The following ACTL10 variants were observed in gnomAD, a reference collection of about 807,000 sequenced individuals.
ACTL10 encodes the protein actin like 10.
For synonymous variants in ACTL10, 180 were observed against 169.9 expected (o/e 1.06, Z -0.46); for missense variants, 413 against 359.4 (o/e 1.15, Z -1.21).
chr20:33,667,335 G>T lies in ACTL10; in HGVS notation c.-163G>T. 1 of 923,172 alleles carries T rather than the reference G, an allele frequency of 1.1e-6. No individual in the cohort carries two copies. The highest frequency in any genetic ancestry group is 1.5e-6 in the Non-Finnish European group (1 of 687,912). 57.2% of individuals were successfully genotyped at this position (923,172 alleles called of 1,614,324 possible). ...TCAAGCACGGCGTGGTGGCGGACTGGGAGGCGCTGGAAGGGCTGTGGGAGC... is the reference window on the plus strand; with the variant it reads ...TCAAGCACGGCGTGGTGGCGGACTGTGAGGCGCTGGAAGGGCTGTGGGAGC... On this transcript the variant is annotated 5_prime_UTR_variant, in exon 1 of 1. Coordinates refer to ENST00000677665, the MANE Select transcript of ACTL10 (RefSeq NM_001024675.2).
rs759492061 is a variant in ACTL10 at position 33,668,257 on chromosome 20, T to A, written c.*22T>A. The A allele has an allele frequency of 3.9e-6, 6 of 1,552,168 alleles. No individual in the cohort carries two copies. Among genetic ancestry groups the A allele is most frequent in the Non-Finnish European group, 8.7e-7 (1 of 1,147,564 alleles). On this transcript the variant is annotated 3_prime_UTR_variant, in exon 1 of 1. Coordinates refer to ENST00000677665, the MANE Select transcript of ACTL10 (RefSeq NM_001024675.2). ...CTGAGTCAGGCTGGACTGGGGGGGG[T>A]GGCACTGCGTTGGGGGACAGCTCTC... is the stretch of plus-strand genomic sequence containing the variant.
Position 33,668,047 on chromosome 20 carries a change from G to C in ACTL10, c.550G>C (p.Glu184Gln). 2 of 1,557,076 alleles carry C rather than the reference G, an allele frequency of 1.3e-6. No individual in the cohort carries two copies. The highest frequency in any genetic ancestry group is 1.7e-6 in the Non-Finnish European group (2 of 1,150,866). Residue 184 changes from glutamate (E) to glutamine (Q), a missense_variant, in exon 1 of 1, where the codon GAG becomes CAG. Glu to Gln is a conservative substitution (Grantham distance 29). Coordinates refer to ENST00000677665, the MANE Select transcript of ACTL10 (RefSeq NM_001024675.2). ...GFAERLDKEL[E>Q]AQCRRHGYAA... ...CGCCGAGCGCCTGGACAAGGAGCTG[G>C]AGGCGCAGTGCCGGCGGCACGGCTA...
Position 33,667,369 on chromosome 20 carries a change from G to A in ACTL10, c.-129G>A, listed in dbSNP as rs1400773927. ...GGAAGGGCTGTGGGAGCGCCTGCTG[G>A]TGGGCGGCCTGCGGGTGTGCCCAGA... On this transcript the variant is annotated 5_prime_UTR_variant, in exon 1 of 1. It adds an upstream start codon to the 5' untranslated region. Transcript: ENST00000677665. 8 of 1,222,114 alleles carry A rather than the reference G, an allele frequency of 6.5e-6. No homozygotes were observed. Among genetic ancestry groups the A allele is most frequent in the African/African-American group, 1.6e-5 (1 of 62,738 alleles). The allele number at this position is 1,222,114 out of a possible 1,614,324, so 75.7% of individuals were successfully genotyped here. A position where few individuals can be genotyped will look rare whatever the true frequency, so the allele number is the denominator to read the frequency against.
In ACTL10 at chr20:33,667,332, C is replaced by A; in HGVS notation, c.-166C>A. 1 of 895,960 alleles carries A rather than the reference C, an allele frequency of 1.1e-6. No homozygotes were observed. Among genetic ancestry groups the A allele is most frequent in the Non-Finnish European group, 1.5e-6 (1 of 663,804 alleles). 55.5% of individuals were successfully genotyped at this position (895,960 alleles called of 1,614,324 possible). A position where few individuals can be genotyped will look rare whatever the true frequency, so the allele number is the denominator to read the frequency against. On this transcript the variant is annotated 5_prime_UTR_variant, in exon 1 of 1. It adds an upstream start codon to the 5' untranslated region. Transcript: ENST00000677665. Reference sequence around the variant, plus strand: ...CCATCAAGCACGGCGTGGTGGCGGACTGGGAGGCGCTGGAAGGGCTGTGGG... The same window carrying A: ...CCATCAAGCACGGCGTGGTGGCGGAATGGGAGGCGCTGGAAGGGCTGTGGG...
In ACTL10 at chr20:33,667,545, C is replaced by A; in HGVS notation, c.48C>A (p.Ser16Arg). ...LLALCSTGAF[S>R]GLAVEAGAGV... The stretch of plus-strand genomic sequence containing the variant: ...CGCTCTGCTCCACCGGCGCGTTCAG[C>A]GGGCTGGCCGTGGAGGCGGGCGCGG... The change falls in exon 1 of 1, where the codon AGC becomes AGA. Residue 16 changes from serine (S) to arginine (R), a missense_variant. By Grantham distance (110) the Ser-to-Arg change is moderately radical (BLOSUM62 -1). Coordinates refer to ENST00000677665, the MANE Select transcript of ACTL10 (RefSeq NM_001024675.2). 1 of 1,546,082 alleles carries A rather than the reference C, an allele frequency of 6.5e-7. No homozygotes were observed. The highest frequency in any genetic ancestry group is 8.7e-7 in the Non-Finnish European group (1 of 1,146,788).
At position 33,667,807 on chromosome 20, in the gene ACTL10, G is replaced by C; in HGVS notation, c.310G>C (p.Ala104Pro). 6.2e-7 allele frequency: 1 copy of C among 1,612,512 alleles called. No individual in the cohort carries two copies. Among genetic ancestry groups the C allele is most frequent in the Non-Finnish European group, 8.5e-7 (1 of 1,179,818 alleles). ...DLRDPARHHPASFSVGNGCCV... is the reference protein window; with the variant it reads ...DLRDPARHHPPSFSVGNGCCV... ...CCGCGACCCCGCCCGCCACCATCCG[G>C]CCAGTTTCAGCGTGGGTAACGGGTG... The change falls in exon 1 of 1, where the codon GCC (alanine) becomes CCC (proline). Residue 104 changes from alanine to proline, a missense_variant. Transcript: ENST00000677665.
rs781544438 is a variant in ACTL10, at chr20:33,668,122, G to GT, written c.626dup (p.Trp210ValfsTer?). ...GGCCAAGCATGGGCGTGGCATGGCTGTGTGGACCGGCGGCTCCATGGTGGC... is the reference window on the plus strand; with the variant it reads ...GGCCAAGCATGGGCGTGGCATGGCTGTTGTGGACCGGCGGCTCCATGGTGGC... On this transcript the variant is annotated frameshift_variant, in exon 1 of 1. Coordinates refer to ENST00000677665, the MANE Select transcript of ACTL10 (RefSeq NM_001024675.2). LOFTEE classifies it low-confidence loss of function (END_TRUNC). 1.2e-6 allele frequency: 2 copies of GT among 1,611,280 alleles called. No individual in the cohort carries two copies. Among genetic ancestry groups the GT allele is most frequent in the East Asian group, 2.2e-5 (1 of 44,810 alleles).
chr20:33,668,057 GC>G lies in ACTL10; in HGVS notation c.562del (p.Arg188GlyfsTer40), dbSNP rs778369641. ...ERLDKELEAQ[C>X]RRHGYAALRP... The stretch of plus-strand genomic sequence containing the variant: ...CTGGACAAGGAGCTGGAGGCGCAGT[GC>G]CGGCGGCACGGCTACGCGGCCCTGC... On this transcript the variant is annotated frameshift_variant, in exon 1 of 1. Transcript: ENST00000677665. LOFTEE classifies it low-confidence loss of function (END_TRUNC). The G allele has an allele frequency of 7.0e-6, 11 of 1,565,114 alleles. No homozygotes were observed. The African/African-American group carries it at 1.4e-4, about 19-fold the overall frequency.
chr20:33,667,865 GC>G lies in ACTL10; in HGVS notation c.372del (p.Glu125AsnfsTer41). ...CVCLSSERFR[C>X]PEPIFQPGLL... Reference sequence around the variant, plus strand: ...TGCCTCAGCAGTGAGCGCTTCCGCTGCCCCGAACCCATCTTCCAGCCGGGCC... The same window carrying G: ...TGCCTCAGCAGTGAGCGCTTCCGCTGCCCGAACCCATCTTCCAGCCGGGCC... On this transcript the variant is annotated frameshift_variant, in exon 1 of 1. Coordinates refer to ENST00000677665, the MANE Select transcript of ACTL10 (RefSeq NM_001024675.2). LOFTEE classifies it low-confidence loss of function (END_TRUNC). The G allele has an allele frequency of 1.2e-6, 2 of 1,603,366 alleles. No homozygotes were observed. The highest frequency in any genetic ancestry group is 1.7e-6 in the Non-Finnish European group (2 of 1,175,394).
rs2017703441 is a variant in ACTL10, at chr20:33,667,569, G to A, written c.72G>A (p.Ala24=). Residue 24 remains alanine (A), a synonymous_variant, in exon 1 of 1, where the codon GCG becomes GCA. Coordinates refer to ENST00000677665, the MANE Select transcript of ACTL10 (RefSeq NM_001024675.2). ...GCGGGCTGGCCGTGGAGGCGGGCGC[G>A]GGCGTGTGCCACGCCACGCCCATCT... The part of the protein sequence containing the change: ...AFSGLAVEAG[A]GVCHATPIYA... The A allele has an allele frequency of 1.9e-6, 3 of 1,556,456 alleles. No homozygotes were observed. The highest frequency in any genetic ancestry group is 1.7e-6 in the Non-Finnish European group (2 of 1,152,958).
Position 33,667,156 on chromosome 20 carries a change from C to G in ACTL10, c.-342C>G, listed in dbSNP as rs573584848. The stretch of plus-strand genomic sequence containing the variant: ...GGGCCGCATCGCGGTGGTGGTGGAC[C>G]AGGGCTCGGGCTTCACCAAGGCGGG... On this transcript the variant is annotated 5_prime_UTR_variant, in exon 1 of 1. Transcript: ENST00000677665. The G allele has an allele frequency of 4.0e-4, 90 of 225,532 alleles. No individual in the cohort carries two copies. Among genetic ancestry groups the G allele is most frequent in the African/African-American group, 1.8e-3 (80 of 44,176 alleles). 14.0% of individuals were successfully genotyped at this position (225,532 alleles called of 1,614,324 possible).
rs572600554 is a variant in ACTL10, at chr20:33,667,718, G to A, written c.221G>A (p.Arg74His). ...NPDLLQQALP[R>H]KAITHLKKRS... The stretch of plus-strand genomic sequence containing the variant: ...GACCTCTTGCAGCAGGCCCTGCCCC[G>A]CAAGGCCATCACACATCTCAAGAAG... Residue 74 changes from arginine to histidine, a missense_variant, in exon 1 of 1, where the codon CGC becomes CAC. Physicochemically the swap from Arg to His is conservative, Grantham distance 29. Coordinates refer to ENST00000677665, the MANE Select transcript of ACTL10 (RefSeq NM_001024675.2). 14 of 1,612,062 alleles carry A rather than the reference G, an allele frequency of 8.7e-6. No individual in the cohort carries two copies. In the South Asian group the frequency reaches 1.3e-4, roughly 15 times the overall value.
Position 33,668,052 on chromosome 20 carries a change from G to A in ACTL10, c.555G>A (p.Ala185=), listed in dbSNP as rs1377540303. 12 of 1,559,522 alleles carry A rather than the reference G, an allele frequency of 7.7e-6. No homozygotes were observed. Among genetic ancestry groups the A allele is most frequent in the Non-Finnish European group, 8.7e-6 (10 of 1,152,378 alleles). The change falls in exon 1 of 1, where the codon GCG becomes GCA. Residue 185 remains alanine (A), a synonymous_variant. Coordinates refer to ENST00000677665, the MANE Select transcript of ACTL10 (RefSeq NM_001024675.2). ...AGCGCCTGGACAAGGAGCTGGAGGC[G>A]CAGTGCCGGCGGCACGGCTACGCGG... ...FAERLDKELE[A]QCRRHGYAAL... is the part of the protein sequence containing the mutation.
In ACTL10 at chr20:33,668,231, A is replaced by G. The variant is rs1485204405; in HGVS notation, c.734A>G (p.Asn245Ser). Residue 245 changes from asparagine to serine, a missense_variant, in exon 1 of 1, where the codon AAC becomes AGC. Transcript: ENST00000677665. The part of the protein sequence containing the change: ...CGSRLLYDVF[N>S] ...TCCAGGCTGCTGTACGATGTGTTCA[A>G]CTGAGTCAGGCTGGACTGGGGGGGG... 1.1e-5 allele frequency: 17 copies of G among 1,581,828 alleles called. No individual in the cohort carries two copies. The highest frequency in any genetic ancestry group is 1.4e-5 in the Non-Finnish European group (16 of 1,161,664).
In ACTL10 at chr20:33,668,272, GGACA is replaced by G. The variant is rs774222765; in HGVS notation, c.*39_*42del. 8 of 1,545,114 alleles carry G rather than the reference GGACA, an allele frequency of 5.2e-6. No homozygotes were observed. In the South Asian group the frequency reaches 9.8e-5, roughly 19 times the overall value. Reference sequence around the variant, plus strand: ...CTGGGGGGGGTGGCACTGCGTTGGGGGACAGCTCTCTATCTAAAGAGTCAAGTGT... The same window carrying G: ...CTGGGGGGGGTGGCACTGCGTTGGGGGCTCTCTATCTAAAGAGTCAAGTGT... On this transcript the variant is annotated 3_prime_UTR_variant, in exon 1 of 1. Coordinates refer to ENST00000677665, the MANE Select transcript of ACTL10 (RefSeq NM_001024675.2).
chr20:33,667,466 T>C lies in ACTL10; in HGVS notation c.-32T>C. The C allele has an allele frequency of 7.0e-7, 1 of 1,436,722 alleles. No homozygotes were observed. 89.0% of individuals were successfully genotyped at this position (1,436,722 alleles called of 1,614,324 possible). Reference sequence around the variant, plus strand: ...GGCCGCGAAAGGGTGGCGGAGCTGCTGTTCGAGACCCTGGCAGTGCCCGCG... The same window carrying C: ...GGCCGCGAAAGGGTGGCGGAGCTGCCGTTCGAGACCCTGGCAGTGCCCGCG... On this transcript the variant is annotated 5_prime_UTR_variant, in exon 1 of 1. Transcript: ENST00000677665.
In ACTL10 at chr20:33,667,898, G is replaced by T. The variant is rs1289056164; in HGVS notation, c.401G>T (p.Gly134Val). The stretch of plus-strand genomic sequence containing the variant: ...CCCATCTTCCAGCCGGGCCTGCTGG[G>T]CCAGGCTGAGCAGGGGCTGCCCGCG... ...PEPIFQPGLL[G>V]QAEQGLPALA... The change falls in exon 1 of 1, where the codon GGC (glycine) becomes GTC (valine). Residue 134 changes from glycine to valine, a missense_variant. Coordinates refer to ENST00000677665, the MANE Select transcript of ACTL10 (RefSeq NM_001024675.2). The T allele has an allele frequency of 1.9e-6, 3 of 1,581,640 alleles. No homozygotes were observed. Among genetic ancestry groups the T allele is most frequent in the South Asian group, 1.1e-5 (1 of 87,840 alleles).
rs201513422 is a variant in ACTL10, at chr20:33,667,478, T to C, written c.-20T>C. The C allele has an allele frequency of 4.4e-5, 65 of 1,468,036 alleles. No homozygotes were observed. In the East Asian group the frequency reaches 1.6e-3, roughly 36 times the overall value. The allele number at this position is 1,468,036 out of a possible 1,614,324, so 90.9% of individuals were successfully genotyped here. A position where few individuals can be genotyped will look rare whatever the true frequency, so the allele number is the denominator to read the frequency against. ...GTGGCGGAGCTGCTGTTCGAGACCCTGGCAGTGCCCGCGTGCCACATGGCT... is the reference window on the plus strand; with the variant it reads ...GTGGCGGAGCTGCTGTTCGAGACCCCGGCAGTGCCCGCGTGCCACATGGCT... On this transcript the variant is annotated 5_prime_UTR_variant, in exon 1 of 1. Coordinates refer to ENST00000677665, the MANE Select transcript of ACTL10 (RefSeq NM_001024675.2).
At position 33,667,927 on chromosome 20, in the gene ACTL10, G is replaced by T; in HGVS notation, c.430G>T (p.Ala144Ser). 1 of 1,560,266 alleles carries T rather than the reference G, an allele frequency of 6.4e-7. No homozygotes were observed. Residue 144 changes from alanine (A) to serine (S), a missense_variant, in exon 1 of 1, where the codon GCC becomes TCC. Ala to Ser is a moderately conservative substitution (Grantham distance 99). Coordinates refer to ENST00000677665, the MANE Select transcript of ACTL10 (RefSeq NM_001024675.2). Reference sequence around the variant, plus strand: ...GGCTGAGCAGGGGCTGCCCGCGCTGGCCTTCCGGGCGCTGCAGAAGATGCC... The same window carrying T: ...GGCTGAGCAGGGGCTGCCCGCGCTGTCCTTCCGGGCGCTGCAGAAGATGCC... ...GQAEQGLPAL[A>S]FRALQKMPKT...
Sources: gnomAD v4.1 joint callset for allele counts on GRCh38, gnomAD v4.1.1 for gene constraint, MANE v1.5 for transcripts, NCBI Gene and HGNC (gene_info 2026-07-23, HGNC 2026-07-21) for gene names.